RTN1: variants seen among roughly 807,000 people sequenced by gnomAD.
RTN1 encodes the protein reticulon 1, also known as reticulon-1.
A neutral mutation model predicts 65.5 loss-of-function variants in RTN1; 25 were observed. The ratio of observed to expected loss-of-function variants is 0.38; its 90% confidence interval spans 0.28 to 0.53. The LOEUF (loss-of-function observed/expected upper bound fraction) is 0.53, where lower values mean the gene tolerates loss of function less well. RTN1 is among the 20% of genes least tolerant of loss of function. The pLI is 0.79. For missense variants in RTN1, 983 were observed against 1,025.4 expected (o/e 0.96, Z 0.57); for synonymous variants, 471 against 447.6 (o/e 1.05, Z -0.66).
chr14:59,812,596 T>TGTGTGTGC (rs1210592259), intron 1 of RTN1, among the ~76,000 whole-genome samples: 2 of 152,208 alleles, frequency 1.3e-5, no homozygotes, highest in Admixed American at 6.5e-5. Context: ...TTGATGGGTA[T>TGTGTGTGC]GTGTGTGCAT....
chr14:59,669,620 AT>A (rs1474890013), intron 3 of RTN1, among the ~76,000 whole-genome samples: 1 of 152,092 alleles, frequency 6.6e-6, no homozygotes, highest in Non-Finnish European at 1.5e-5. Context: ...AAAATAAAAA[AT>A]AAAAAAAAGA....
At chr14:59,650,332 G>A (rs112279209) in intron 3 of RTN1, among the ~76,000 whole-genome samples, 3,037 of 152,222 alleles carry the variant, frequency 0.02, 105 homozygotes, top group African/African-American at 0.069. Context: ...TGGGTTGATA[G>A]GTGGAGCAAA....
intron 1 of RTN1, among the ~76,000 whole-genome samples, chr14:59,840,119 C>G (rs1261990957): frequency 6.6e-6 from 1 of 152,118 alleles, no homozygotes; most frequent in Non-Finnish European, 1.5e-5. Context: ...TGATTCTATT[C>G]CATTCTAGGA....
At chr14:59,704,269 C>T (rs559633633) in intron 3 of RTN1, among the ~76,000 whole-genome samples, 1 of 152,180 alleles carries the variant, frequency 6.6e-6, no homozygotes, top group African/African-American at 2.4e-5. Flanking sequence ...ACCCCGCCCC[C>T]TCACCGCCAC....
chr14:59,836,844 G>A lies in RTN1; in HGVS notation c.241+33546C>T, dbSNP rs931741178. 6.6e-6 allele frequency among the ~76,000 whole-genome samples: 1 copy of A among 152,026 alleles called. No individual in the cohort carries two copies. The highest frequency in any genetic ancestry group is 1.5e-5 in the Non-Finnish European group (1 of 68,000). On this transcript the variant is annotated intron_variant, in intron 1 of 8. Coordinates refer to ENST00000267484, the MANE Select transcript of RTN1 (RefSeq NM_021136.3). The surrounding 1 kb of genome is among the most constrained non-coding windows in gnomAD (Gnocchi z 4.9). ...TAGGTGAAAAGGAAGGGAGTGAAGAGGGAGAAATTACAGAACCTATGTTAT... is the reference window on the plus strand; with the variant it reads ...TAGGTGAAAAGGAAGGGAGTGAAGAAGGAGAAATTACAGAACCTATGTTAT...
chr14:59,655,569 T>G (rs1883106157), intron 3 of RTN1, among the ~76,000 whole-genome samples: 1 of 152,208 alleles, frequency 6.6e-6, no homozygotes, highest in African/African-American at 2.4e-5. Flanking sequence ...GTTTCAAAAT[T>G]TACTACCATG....
At chr14:59,842,703 C>T (rs1887335974) in intron 1 of RTN1, among the ~76,000 whole-genome samples, 1 of 152,262 alleles carries the variant, frequency 6.6e-6, no homozygotes. Context: ...AACACTTTCA[C>T]AAACACACCA....
intron 3 of RTN1, among the ~76,000 whole-genome samples, chr14:59,636,822 C>CA (rs1462456340): frequency 6.6e-6 from 1 of 152,144 alleles, no homozygotes; most frequent in Admixed American, 6.5e-5. Flanking sequence ...ATTATGATTA[C>CA]AAAAAATTCA....
rs141733290 is a variant in RTN1, at chr14:59,753,490, T to C, written c.242-7009A>G. 9.7e-3 allele frequency among the ~76,000 whole-genome samples: 1,485 copies of C among 152,352 alleles called. 17 individuals carry two copies. Among genetic ancestry groups the C allele is most frequent in the Non-Finnish European group, 0.013 (866 of 68,030 alleles). ...ATAATTCAAATACTTTGAATGTAGT[T>C]ATGTCCCATTTTAAAAAATTGAGCT... is the stretch of plus-strand genomic sequence containing the variant. On this transcript the variant is annotated intron_variant, in intron 1 of 8. Transcript: ENST00000267484.
rs926221965 is a variant in RTN1, at chr14:59,836,001, T to C, written c.241+34389A>G. On this transcript the variant is annotated intron_variant, in intron 1 of 8. Coordinates refer to ENST00000267484, the MANE Select transcript of RTN1 (RefSeq NM_021136.3). This position sits in a 1 kb window ranked among gnomAD's most constrained non-coding sequence, Gnocchi z 4.9. ...GGGGAGAACTGCTTCCTTGCCTTTT[T>C]CCAGGTCCTTGGCTCTATTCTTCCC... Among the ~76,000 whole-genome samples the C allele has an allele frequency of 2.0e-5, 3 of 152,196 alleles. No individual in the cohort carries two copies. The highest frequency in any genetic ancestry group is 7.2e-5 in the African/African-American group (3 of 41,448).
intron 2 of RTN1, among the ~76,000 whole-genome samples, chr14:59,733,307 G>T (rs1884940351): frequency 6.6e-6 from 1 of 152,134 alleles, no homozygotes; most frequent in Admixed American, 6.5e-5. Context: ...TGGCCATGCT[G>T]GTCTTGGAAG....
rs765593660 is a variant in RTN1 at position 59,759,179 on chromosome 14, C to G, written c.242-12698G>C. On this transcript the variant is annotated intron_variant, in intron 1 of 8. Transcript: ENST00000267484. ...AAGAGTTTCTTTAGGTCATCTAATG[C>G]AAGGCCTTCCCAATCTTAGGATCTT... Among the ~76,000 whole-genome samples, 196 of 152,186 alleles carry G rather than the reference C, an allele frequency of 1.3e-3. 5 individuals are homozygous for G. Among genetic ancestry groups the G allele is most frequent in the Non-Finnish European group, 2.6e-4 (18 of 68,034 alleles).
Position 59,596,686 on chromosome 14 carries a change from G to A in RTN1, c.*59C>T, listed in dbSNP as rs1881409867. 1 of 1,252,558 alleles carries A rather than the reference G, an allele frequency of 8.0e-7. No individual in the cohort carries two copies. Among genetic ancestry groups the A allele is most frequent in the Admixed American group, 1.7e-5 (1 of 59,458 alleles). The allele number at this position is 1,252,558 out of a possible 1,614,324, so 77.6% of individuals were successfully genotyped here. On this transcript the variant is annotated 3_prime_UTR_variant, in exon 9 of 9. Coordinates refer to ENST00000267484, the MANE Select transcript of RTN1 (RefSeq NM_021136.3). ...ATCAATTTGCAGTAATGAGTAAGAAGAGAGCTGTTACCACTCCAGACATTC... is the reference window on the plus strand; with the variant it reads ...ATCAATTTGCAGTAATGAGTAAGAAAAGAGCTGTTACCACTCCAGACATTC...
chr14:59,618,919 T>C (rs1213676283), intron 3 of RTN1, among the ~76,000 whole-genome samples: 2 of 152,224 alleles, frequency 1.3e-5, no homozygotes, highest in African/African-American at 4.8e-5. Context: ...GATCCTGCTT[T>C]TAAGGAATTT....
intron 3 of RTN1, chr14:59,610,153 C>T: frequency 1.3e-6 from 1 of 772,424 alleles, no homozygotes. Context: ...CTAGGGAAGC[C>T]TCCTAAATCT....
intron 1 of RTN1, among the ~76,000 whole-genome samples, chr14:59,809,704 C>T (rs1886694986): frequency 1.3e-5 from 2 of 152,104 alleles, no homozygotes; most frequent in Non-Finnish European, 2.9e-5. Flanking sequence ...GAAGTCTAGT[C>T]ACAGGACTTT....
chr14:59,839,637 A>G (rs1887275159), intron 1 of RTN1, among the ~76,000 whole-genome samples: 1 of 152,186 alleles, frequency 6.6e-6, no homozygotes, highest in Admixed American at 6.5e-5. Flanking sequence ...ATTACTCTAT[A>G]TATGAAAAAA....
intron 1 of RTN1, among the ~76,000 whole-genome samples, chr14:59,748,209 G>GGTTTT (rs1555358545): frequency 3.2e-5 from 3 of 94,582 alleles, no homozygotes; most frequent in Non-Finnish European, 2.2e-5. Flanking sequence ...CAGTCTGTGA[G>GGTTTT]GTTTTTTTTT....
rs114657421 is a variant in RTN1, at chr14:59,607,980, T to C, written c.1766-488A>G. On this transcript the variant is annotated intron_variant, in intron 3 of 8. Transcript: ENST00000267484. ...ATTTTGTTCAACATGGTTTGTTTGC[T>C]TACATTCTGTGATTTAAAAATCTGA... 6.3e-3 allele frequency among the ~76,000 whole-genome samples: 956 copies of C among 152,246 alleles called. 6 individuals are homozygous for C. Among genetic ancestry groups the C allele is most frequent in the African/African-American group, 0.022 (904 of 41,536 alleles).
Sources: allele counts gnomAD v4.1 joint callset (sites outside exome capture counted in the v4.1 genomes callset), GRCh38; gene constraint gnomAD v4.1.1; non-coding constraint Gnocchi (gnomAD v3.1); transcripts MANE v1.5; gene names NCBI Gene and HGNC (gene_info 2026-07-23, HGNC 2026-07-21).